UGT2B7: variants seen among roughly 807,000 people sequenced by gnomAD.
The protein encoded by UGT2B7 is UDP-glucuronosyltransferase 2B7.
Under a neutral mutation model 51.9 loss-of-function variants are expected in UGT2B7, and 51 were observed. The ratio of observed to expected loss-of-function variants is 0.98; its 90% confidence interval spans 0.78 to 1.24. The LOEUF is 1.24. Among genes scored for constraint, UGT2B7 ranks in the 50% most tolerant of loss-of-function variants. UGT2B7 has a pLI of 0.00. For synonymous variants in UGT2B7, 225 were observed against 211.6 expected, an observed-to-expected ratio of 1.06 and a Z score of -0.55; for missense variants, 727 against 628.4, an observed-to-expected ratio of 1.16 and a Z score of -1.68.
chr4:69,072,154 A>C (rs7687692), intron 1 of UGT2B7, among the ~76,000 whole-genome samples: 65,119 of 151,864 alleles, frequency 0.43, 15,518 homozygotes, highest in African/African-American at 0.64. Flanking sequence ...ATAGAGACTC[A>C]TAAAATCACA....
upstream of UGT2B7, among the ~76,000 whole-genome samples, chr4:69,094,438 G>A (rs1232885011): frequency 3.4e-4 from 10 of 29,132 alleles, 3 homozygotes; most frequent in Admixed American, 3.2e-3. Flanking sequence ...GTGAGCCACC[G>A]CGCCCGGCCG....
chr4:69,089,091 A>G lies in UGT2B7; in HGVS notation c.-158-381A>G, dbSNP rs774681482. ...TTGTATTTACATAGTTACTAGCTCT[A>G]TTTTTGTGTGGGAATTAATGTTGGG... is the stretch of plus-strand genomic sequence containing the variant. On this transcript the variant is annotated intron_variant, in intron 1 of 5. Coordinates refer to the UGT2B7 transcript ENST00000502942. Among the ~76,000 whole-genome samples the G allele has an allele frequency of 2.0e-5, 3 of 152,056 alleles. No homozygotes were observed. The Middle Eastern group carries it at 0.01, about 517-fold the overall frequency.
At chr4:69,053,812 G>C (rs1213209870) in intron 1 of UGT2B7, among the ~76,000 whole-genome samples, 1 of 152,162 alleles carries the variant, frequency 6.6e-6, no homozygotes, top group African/African-American at 2.4e-5. Context: ...GTGGTATTGT[G>C]GTGGACCTTT....
chr4:69,069,327 A>AT lies in UGT2B7; in HGVS notation c.-159+17734dup, dbSNP rs543888406. Among the ~76,000 whole-genome samples, 533 of 151,158 alleles carry AT rather than the reference A, an allele frequency of 3.5e-3. 5 individuals carry two copies. Among genetic ancestry groups the AT allele is most frequent in the African/African-American group, 0.012 (506 of 41,206 alleles). On this transcript the variant is annotated intron_variant, in intron 1 of 5. Transcript: ENST00000502942. ...GAAACTTGTATGCCAGGTCCATTAA[A>AT]TTTTTTTTTCCCTGGATAATTCAAT...
intron 1 of UGT2B7, among the ~76,000 whole-genome samples, chr4:69,065,968 T>C (rs1020936357): frequency 6.6e-6 from 1 of 152,176 alleles, no homozygotes; most frequent in African/African-American, 2.4e-5. Flanking sequence ...ATCATGATTG[T>C]ATTTAACTTG....
upstream of UGT2B7, among the ~76,000 whole-genome samples, chr4:69,091,491 A>T (rs1179609726): frequency 6.6e-6 from 1 of 152,156 alleles, no homozygotes; most frequent in African/African-American, 2.4e-5. Context: ...TTCTGGATAC[A>T]TAATTTTTTG....
At position 69,102,526 on chromosome 4, in the gene UGT2B7, A is replaced by G. The variant is rs1177634375; in HGVS notation, c.871-281A>G. ...TATTTTTAACATTATCTCCCTGACA[A>G]CAATGTAATAGCTCCATTTCTTTTC... On this transcript the variant is annotated intron_variant, in intron 2 of 5. Transcript: ENST00000305231. Among the ~76,000 whole-genome samples, 7 of 152,142 alleles carry G rather than the reference A, an allele frequency of 4.6e-5. No individual in the cohort carries two copies. The East Asian group carries it at 1.3e-3, about 29-fold the overall frequency.
At chr4:69,077,163 A>AT (rs1453374394) in intron 1 of UGT2B7, among the ~76,000 whole-genome samples, 1 of 152,130 alleles carries the variant, frequency 6.6e-6, no homozygotes, top group East Asian at 1.9e-4. Context: ...TACCAGTACC[A>AT]TGCTGTTTTG....
intron 1 of UGT2B7, among the ~76,000 whole-genome samples, chr4:69,084,173 C>A (rs973681125): frequency 2.6e-5 from 4 of 152,058 alleles, no homozygotes; most frequent in Non-Finnish European, 4.4e-5. Context: ...TAATATATCA[C>A]ATTTATTGTT....
chr4:69,055,807 A>T (rs1307485508), intron 1 of UGT2B7, among the ~76,000 whole-genome samples: 1 of 152,234 alleles, frequency 6.6e-6, no homozygotes, highest in Non-Finnish European at 1.5e-5. Flanking sequence ...ATTATTAGAC[A>T]GTATTGCATA....
intron 1 of UGT2B7, among the ~76,000 whole-genome samples, chr4:69,060,799 C>A (rs1718328018): frequency 6.6e-6 from 1 of 152,176 alleles, no homozygotes; most frequent in Non-Finnish European, 1.5e-5. Flanking sequence ...AAGGGGGCAC[C>A]ATTGGTTTTC....
At chr4:69,073,052 C>A (rs1264187304) in intron 1 of UGT2B7, among the ~76,000 whole-genome samples, 1 of 152,058 alleles carries the variant, frequency 6.6e-6, no homozygotes, top group Non-Finnish European at 1.5e-5. Flanking sequence ...GTGGTCACTT[C>A]CCTAATGTCC....
intron 1 of UGT2B7, among the ~76,000 whole-genome samples, chr4:69,075,896 A>C (rs1158929525): frequency 6.6e-6 from 1 of 152,084 alleles, no homozygotes; most frequent in Non-Finnish European, 1.5e-5. Flanking sequence ...TGTCACCTAT[A>C]TTAGGTATTT....
intron 1 of UGT2B7, among the ~76,000 whole-genome samples, chr4:69,057,266 T>TTA (rs1718225936): frequency 2.0e-5 from 3 of 152,258 alleles, no homozygotes; most frequent in African/African-American, 7.2e-5. Flanking sequence ...TTGCTGATGC[T>TTA]CCCAGCTGAA....
chr4:69,056,528 CAT>C (rs1259032572), intron 1 of UGT2B7, among the ~76,000 whole-genome samples: 1 of 152,164 alleles, frequency 6.6e-6, no homozygotes, highest in African/African-American at 2.4e-5. Flanking sequence ...TAGTTAAAGA[CAT>C]AACAAAACTG....
At chr4:69,095,864 T>A (rs1230675570), upstream of UGT2B7, among the ~76,000 whole-genome samples, 2 of 152,160 alleles carry the variant, frequency 1.3e-5, no homozygotes, top group African/African-American at 4.8e-5. Flanking sequence ...ATTGTATGAT[T>A]CTATGCATTA....
In UGT2B7 at chr4:69,097,026, T is replaced by C. The variant is rs771708285; in HGVS notation, c.506T>C (p.Val169Ala). Residue 169 changes from valine to alanine, a missense_variant, in exon 1 of 6, where the codon GTG (valine) becomes GCG (alanine). Transcript: ENST00000305231. ...GCTGAGCTATTTAACATACCCTTTG[T>C]GTACAGTCTCAGCTTCTCTCCTGGC... The part of the protein sequence containing the change: ...LLAELFNIPF[V>A]YSLSFSPGYT... 7 of 1,613,874 alleles carry C rather than the reference T, an allele frequency of 4.3e-6. No individual in the cohort carries two copies. Among genetic ancestry groups the C allele is most frequent in the Non-Finnish European group, 5.1e-6 (6 of 1,179,808 alleles).
intron 1 of UGT2B7, among the ~76,000 whole-genome samples, chr4:69,064,731 T>G (rs1191234555): frequency 6.6e-6 from 1 of 152,160 alleles, no homozygotes; most frequent in Non-Finnish European, 1.5e-5. Context: ...TGAGTCTGAG[T>G]GCACTCAATA....
At chr4:69,081,874 T>G (rs573219693) in intron 1 of UGT2B7, among the ~76,000 whole-genome samples, 1 of 152,270 alleles carries the variant, frequency 6.6e-6, no homozygotes, top group South Asian at 2.1e-4. Context: ...TTACACATAT[T>G]TAGGTTTTTT....
Sources: gnomAD v4.1 joint callset for allele counts (sites outside exome capture counted in the v4.1 genomes callset) on GRCh38, gnomAD v4.1.1 for gene constraint, MANE v1.5 for transcripts, NCBI Gene and HGNC (gene_info 2026-07-23, HGNC 2026-07-21) for gene names.